The following TMEM132B variants were observed in gnomAD, a reference collection of about 807,000 sequenced individuals.
TMEM132B encodes the protein transmembrane protein 132B.
Under a neutral mutation model 90.8 loss-of-function variants are expected in TMEM132B, and 18 were observed. The ratio of observed to expected loss-of-function variants is 0.20; its 90% CI spans 0.14 to 0.29. The LOEUF is 0.29. Ranked by LOEUF, TMEM132B falls within the 10% of genes least tolerant of loss-of-function variation. The pLI, the probability that TMEM132B is intolerant of heterozygous loss-of-function variation, is 1.00. For missense variants in TMEM132B, 1,096 were observed against 1,326.8 expected, an observed-to-expected ratio of 0.83 and a Z score of 2.70; for synonymous variants, 504 against 523.3, an observed-to-expected ratio of 0.96 and a Z score of 0.50.
chr12:125,458,661 G>T lies in TMEM132B; in HGVS notation c.1106+42984G>T, dbSNP rs1311094931. Among the ~76,000 whole-genome samples, 2 of 152,186 alleles carry T rather than the reference G, an allele frequency of 1.3e-5. No individual in the cohort carries two copies. The highest frequency in any genetic ancestry group is 4.8e-5 in the African/African-American group (2 of 41,450). ...TCACATCCATGCGGCCAGCGTCCGTGTCCCCTGCCTCTGAGAATGGCCAGG... is the reference window on the plus strand; with the variant it reads ...TCACATCCATGCGGCCAGCGTCCGTTTCCCCTGCCTCTGAGAATGGCCAGG... On this transcript the variant is annotated intron_variant, in intron 3 of 8. Transcript: ENST00000682704. This position sits in a 1 kb window ranked among gnomAD's most constrained non-coding sequence, Gnocchi z 4.9.
intron 1 of TMEM132B, among the ~76,000 whole-genome samples, chr12:125,223,809 CAG>C (rs778912677): frequency 5.3e-5 from 8 of 151,884 alleles, no homozygotes; most frequent in South Asian, 2.1e-4. Flanking sequence ...TTTTCAGAGA[CAG>C]AGTCTTACTC....
chr12:125,556,824 G>A (rs756476908), intron 4 of TMEM132B, among the ~76,000 whole-genome samples: 7 of 151,978 alleles, frequency 4.6e-5, no homozygotes, highest in Non-Finnish European at 8.8e-5. Context: ...CCACGATCTC[G>A]GCTCGCTGCA....
chr12:125,327,254 A>G (rs1273675302), intron 1 of TMEM132B, among the ~76,000 whole-genome samples: 1 of 152,114 alleles, frequency 6.6e-6, no homozygotes, highest in Admixed American at 6.5e-5. Context: ...TCATTTCTAC[A>G]TGGGGGCCCA....
chr12:125,536,073 T>G (rs1021158008), intron 4 of TMEM132B, among the ~76,000 whole-genome samples: 7 of 152,204 alleles, frequency 4.6e-5, no homozygotes, highest in African/African-American at 1.7e-4. Flanking sequence ...GAGCTGCCCC[T>G]GTTTTCCACA....
rs112688830 is a variant in TMEM132B, at chr12:125,342,006, C to G, written c.68-7446C>G. ...AATTCCTTCTGTTCCTCCCTCAGAC[C>G]TGATGTTATGCCTATATTCTCTATT... On this transcript the variant is annotated intron_variant, in intron 1 of 8. Coordinates refer to ENST00000682704, the MANE Select transcript of TMEM132B (RefSeq NM_001366854.1). Among the ~76,000 whole-genome samples the G allele has an allele frequency of 1.5e-3, 231 of 152,252 alleles. 2 individuals are homozygous for G. Among genetic ancestry groups the G allele is most frequent in the Admixed American group, 7.3e-3 (111 of 15,294 alleles).
At chr12:125,247,820 C>T (rs973597381) in intron 1 of TMEM132B, among the ~76,000 whole-genome samples, 41 of 152,162 alleles carry the variant, frequency 2.7e-4, no homozygotes, top group East Asian at 7.7e-4. Flanking sequence ...GGGAACGTGC[C>T]GCCCCCACCT....
At chr12:125,553,955 ACTGTT>A (rs1884304646) in intron 4 of TMEM132B, among the ~76,000 whole-genome samples, 1 of 152,200 alleles carries the variant, frequency 6.6e-6, no homozygotes. Flanking sequence ...AAAAACTCTG[ACTGTT>A]CTGTGACCTT....
intron 1 of TMEM132B, among the ~76,000 whole-genome samples, chr12:125,218,769 G>GTTTTTTTTTTT (rs34905706): frequency 1.8e-5 from 2 of 108,854 alleles, no homozygotes; most frequent in African/African-American, 3.5e-5. Flanking sequence ...TGTTGAAGCT[G>GTTTTTTTTTTT]TTTTTTTTTT....
Position 125,209,777 on chromosome 12 carries a change from A to T in TMEM132B, c.67+22911A>T, listed in dbSNP as rs537926144. On this transcript the variant is annotated intron_variant, in intron 1 of 8. Transcript: ENST00000682704. The surrounding 1 kb of genome is among the most constrained non-coding windows in gnomAD (Gnocchi z 4.4). ...GGTTACTAATTTTATTAAAGAACAC[A>T]ATGACACCAGTTGTACCGGTATAGT... Among the ~76,000 whole-genome samples, 1 of 152,228 alleles carries T rather than the reference A, an allele frequency of 6.6e-6. No individual in the cohort carries two copies. The highest frequency in any genetic ancestry group is 2.4e-5 in the African/African-American group (1 of 41,456).
intron 4 of TMEM132B, among the ~76,000 whole-genome samples, chr12:125,563,178 TAATAATAATAAA>T (rs1475618807): frequency 1.3e-5 from 2 of 148,896 alleles, no homozygotes; most frequent in Non-Finnish European, 3.0e-5. Context: ...ATAATAATAA[TAATAATAATAAA>T]AGTTTGAAAT....
chr12:125,634,026 C>T (rs188522773), intron 5 of TMEM132B, among the ~76,000 whole-genome samples: 10 of 152,294 alleles, frequency 6.6e-5, no homozygotes, highest in African/African-American at 2.2e-4. Flanking sequence ...GGTGAGTTTC[C>T]TCAGGATCTG....
At chr12:125,391,507 A>C (rs1351151289) in intron 2 of TMEM132B, among the ~76,000 whole-genome samples, 1 of 152,052 alleles carries the variant, frequency 6.6e-6, no homozygotes, top group African/African-American at 2.4e-5. Context: ...GCCTTTTGAA[A>C]GCTTTCCTAG....
chr12:125,573,904 T>C (rs1048626112), intron 4 of TMEM132B, among the ~76,000 whole-genome samples: 3 of 152,346 alleles, frequency 2.0e-5, no homozygotes, highest in Admixed American at 2.0e-4. Flanking sequence ...AAAAAATTTT[T>C]TATAGCTAAG....
intron 5 of TMEM132B, among the ~76,000 whole-genome samples, chr12:125,609,222 A>G (rs1006441226): frequency 7.2e-5 from 11 of 152,210 alleles, no homozygotes; most frequent in Non-Finnish European, 1.5e-5. Context: ...GGGTGGGGAC[A>G]GAGCGAAACC....
At chr12:125,338,787 C>G (rs1877067766) in intron 1 of TMEM132B, among the ~76,000 whole-genome samples, 1 of 152,186 alleles carries the variant, frequency 6.6e-6, no homozygotes, top group African/African-American at 2.4e-5. Flanking sequence ...GATATCCTCC[C>G]TCCATTTCTC....
rs1220936463 is a variant in TMEM132B at position 125,654,362 on chromosome 12, C to G, written c.2904C>G (p.Leu968=). 1 of 1,612,902 alleles carries G rather than the reference C, an allele frequency of 6.2e-7. No homozygotes were observed. The highest frequency in any genetic ancestry group is 1.7e-5 in the Admixed American group (1 of 60,028). ...ELLENPVDIT[L]PSEECTTMID... is the part of the protein sequence containing the mutation. ...TGGAGAACCCTGTTGACATTACACT[C>G]CCATCAGAGGAGTGCACAACCATGA... The change falls in exon 9 of 9, where the codon CTC becomes CTG. Residue 968 remains leucine, a synonymous_variant. Coordinates refer to ENST00000682704, the MANE Select transcript of TMEM132B (RefSeq NM_001366854.1). This position sits in a 1 kb window ranked among gnomAD's most constrained non-coding sequence, Gnocchi z 5.8.
intron 4 of TMEM132B, among the ~76,000 whole-genome samples, chr12:125,543,470 A>G (rs1884007947): frequency 6.6e-6 from 1 of 152,364 alleles, no homozygotes; most frequent in East Asian, 1.9e-4. Context: ...GAATAGGTAT[A>G]TGCAAATACT....
At chr12:125,474,061 CT>C (rs1173999696) in intron 3 of TMEM132B, among the ~76,000 whole-genome samples, 2 of 30,940 alleles carry the variant, frequency 6.5e-5, no homozygotes, top group African/African-American at 2.3e-4. Flanking sequence ...TTTCTTTTTC[CT>C]TTCCTTTCCT....
chr12:125,263,902 C>T (rs2136112358), intron 1 of TMEM132B, among the ~76,000 whole-genome samples: 1 of 152,298 alleles, frequency 6.6e-6, no homozygotes, highest in South Asian at 2.1e-4. Flanking sequence ...TGGGTACTGG[C>T]TGTTTGGGAA....
Sources: allele counts gnomAD v4.1 joint callset (sites outside exome capture counted in the v4.1 genomes callset), GRCh38; gene constraint gnomAD v4.1.1; non-coding constraint Gnocchi (gnomAD v3.1); transcripts MANE v1.5; gene names NCBI Gene and HGNC (gene_info 2026-07-23, HGNC 2026-07-21).